PSMA1: variants seen among roughly 807,000 people sequenced by gnomAD.
PSMA1 encodes proteasome subunit alpha type-1.
PSMA1 carries 3 observed loss-of-function variants against 38.4 expected under a neutral mutation model. That is an observed-to-expected ratio of 0.08 (90% CI 0.04 to 0.20). PSMA1 has a LOEUF of 0.20. Among genes scored for constraint, PSMA1 ranks in the 10% least tolerant of loss-of-function variants. PSMA1 has a pLI of 1.00. For synonymous variants in PSMA1, 101 were observed against 107.1 expected (o/e 0.94, Z 0.35); for missense variants, 227 against 325.3 (o/e 0.70, Z 2.32).
intron 2 of PSMA1, among the ~76,000 whole-genome samples, chr11:14,575,259 A>T (rs1723267456): frequency 6.6e-6 from 1 of 152,148 alleles, no homozygotes; most frequent in South Asian, 2.1e-4. Context: ...AAAAAAATTT[A>T]TTATAGTTTA....
At chr11:14,569,951 C>G (rs113836238) in intron 2 of PSMA1, among the ~76,000 whole-genome samples, 1 of 152,234 alleles carries the variant, frequency 6.6e-6, no homozygotes, top group Non-Finnish European at 1.5e-5. Flanking sequence ...AACTTGGAGA[C>G]AACTCCCAGT....
rs573629225 is a variant in PSMA1 at position 14,621,056 on chromosome 11, C to A, written c.-165-9905G>T. Among the ~76,000 whole-genome samples, 10 of 152,270 alleles carry A rather than the reference C, an allele frequency of 6.6e-5. No homozygotes were observed. The East Asian group carries it at 1.9e-3, about 29-fold the overall frequency. ...ATACCTTTTCATTTTCCTGTATTAGCTGTTACATTGACCTATGTCAGAGAT... is the reference window on the plus strand; with the variant it reads ...ATACCTTTTCATTTTCCTGTATTAGATGTTACATTGACCTATGTCAGAGAT... On this transcript the variant is annotated intron_variant, in intron 1 of 10. Transcript: ENST00000418988.
intron 1 of PSMA1, among the ~76,000 whole-genome samples, chr11:14,637,433 C>A (rs1331898219): frequency 6.6e-6 from 1 of 152,182 alleles, no homozygotes; most frequent in African/African-American, 2.4e-5. Flanking sequence ...TTCTCCTTTA[C>A]CAAACTGAGG....
At chr11:14,579,918 T>C (rs1272400323) in intron 2 of PSMA1, among the ~76,000 whole-genome samples, 1 of 152,098 alleles carries the variant, frequency 6.6e-6, no homozygotes, top group East Asian at 1.9e-4. Context: ...GGCTGATGGA[T>C]GGGTAAGAGG....
chr11:14,572,250 C>A (rs1312767467), intron 2 of PSMA1, among the ~76,000 whole-genome samples: 3 of 152,134 alleles, frequency 2.0e-5, no homozygotes, highest in Middle Eastern at 6.3e-3. Flanking sequence ...TCAAAATTGA[C>A]CACATATTTG....
chr11:14,634,679 T>TAG (rs1399556580), intron 1 of PSMA1, among the ~76,000 whole-genome samples: 1 of 152,142 alleles, frequency 6.6e-6, no homozygotes, highest in East Asian at 1.9e-4. Context: ...ATACAAGAAG[T>TAG]AGTAGCTCAT....
intron 1 of PSMA1, among the ~76,000 whole-genome samples, chr11:14,618,292 T>C (rs1253978679): frequency 1.3e-5 from 2 of 152,256 alleles, no homozygotes; most frequent in East Asian, 1.9e-4. Context: ...TCCAGCTTCA[T>C]TGACATAATT....
In PSMA1 at chr11:14,510,922, G is replaced by C. The variant is rs773880119; in HGVS notation, c.574C>G (p.Leu192Val). ...CNLNELVKHG[L>V]RALRETLPAE... ...GGAAGCGTCTCTCTTAAGGCACGCA[G>C]ACCATGTTTAACTAGTTCATTTAAA... is the stretch of plus-strand genomic sequence containing the variant. Residue 192 changes from leucine to valine, a missense_variant, in exon 8 of 10, where the codon CTG becomes GTG. Physicochemically the swap from Leu to Val is conservative, Grantham distance 32 (BLOSUM62 1). Coordinates refer to ENST00000396394, the MANE Select transcript of PSMA1 (RefSeq NM_002786.4). 3.7e-6 allele frequency: 6 copies of C among 1,607,244 alleles called. No individual in the cohort carries two copies. The highest frequency in any genetic ancestry group is 4.3e-6 in the Non-Finnish European group (5 of 1,176,358).
chr11:14,624,247 G>GCT (rs1179728759), intron 1 of PSMA1, among the ~76,000 whole-genome samples: 3 of 152,322 alleles, frequency 2.0e-5, no homozygotes, highest in African/African-American at 7.2e-5. Context: ...GCAGAGAGAA[G>GCT]CTCAGGATTA....
At chr11:14,584,507 G>GTTTTTTTTTTTTTTTTT (rs58620375) in intron 2 of PSMA1, among the ~76,000 whole-genome samples, 4 of 124,810 alleles carry the variant, frequency 3.2e-5, no homozygotes, top group Admixed American at 7.8e-5. Context: ...TTTGTTTTTT[G>GTTTTTTTTTTTTTTTTT]TTTTTTTTTT....
At chr11:14,544,657 A>G (rs1220697048) in intron 2 of PSMA1, among the ~76,000 whole-genome samples, 1 of 152,244 alleles carries the variant, frequency 6.6e-6, no homozygotes, top group Non-Finnish European at 1.5e-5. Context: ...AGATGGCTAC[A>G]ATAAAAAAGA....
chr11:14,508,010 AT>A (rs1200907889), intron 8 of PSMA1, among the ~76,000 whole-genome samples: 1 of 152,154 alleles, frequency 6.6e-6, no homozygotes, highest in Non-Finnish European at 1.5e-5. Flanking sequence ...ATCTAGAAAC[AT>A]TTTTTTAAAA....
intron 1 of PSMA1, among the ~76,000 whole-genome samples, chr11:14,634,127 C>T (rs1853079916): frequency 6.6e-6 from 1 of 152,130 alleles, no homozygotes. Flanking sequence ...GAGCTGTAGA[C>T]CCGGAGCTGT....
At chr11:14,515,430 G>C (rs1851408007) in intron 4 of PSMA1, among the ~76,000 whole-genome samples, 1 of 152,146 alleles carries the variant, frequency 6.6e-6, no homozygotes, top group African/African-American at 2.4e-5. Flanking sequence ...ATATTTTATA[G>C]ATTGGGTTAA....
intron 7 of PSMA1, 36 bp downstream of exon 7, chr11:14,513,532 CAA>C (rs59773789): frequency 0.18 from 199,994 of 1,089,782 alleles, 16 homozygotes; most frequent in East Asian, 0.2. Context: ...CTGGAAAAGG[CAA>C]AAAAAAAAAA....
rs151073819 is a variant in PSMA1 at position 14,548,407 on chromosome 11, T to A, written c.22-29366A>T. On this transcript the variant is annotated intron_variant, in intron 2 of 10. Coordinates refer to the PSMA1 transcript ENST00000418988. ...TATGTATGTGGTGTATACACACCTGTACACACAGGTGTGTGTGTGTGTGCA... is the reference window on the plus strand; with the variant it reads ...TATGTATGTGGTGTATACACACCTGAACACACAGGTGTGTGTGTGTGTGCA... Among the ~76,000 whole-genome samples, 429 of 152,330 alleles carry A rather than the reference T, an allele frequency of 2.8e-3. 1 individual carries two copies. The highest frequency in any genetic ancestry group is 7.2e-3 in the South Asian group (35 of 4,830).
intron 2 of PSMA1, among the ~76,000 whole-genome samples, chr11:14,592,354 GTCTCTCTC>G (rs569894376): frequency 5.9e-5 from 8 of 135,912 alleles, no homozygotes; most frequent in African/African-American, 2.2e-4. Context: ...CTCTGACACA[GTCTCTCTC>G]TCTCTCTCTC....
chr11:14,563,614 C>G (rs1852035243), intron 2 of PSMA1, among the ~76,000 whole-genome samples: 1 of 152,134 alleles, frequency 6.6e-6, no homozygotes, highest in Non-Finnish European at 1.5e-5. Flanking sequence ...GTCTAAATAA[C>G]ATCTTTAAAA....
chr11:14,581,977 T>C (rs1852286581), intron 2 of PSMA1, among the ~76,000 whole-genome samples: 1 of 152,184 alleles, frequency 6.6e-6, no homozygotes, highest in South Asian at 2.1e-4. Context: ...TAGCCCAAAT[T>C]GGATCACGTA....
Sources: allele counts gnomAD v4.1 joint callset (sites outside exome capture counted in the v4.1 genomes callset), GRCh38; gene constraint gnomAD v4.1.1; transcripts MANE v1.5; gene names NCBI Gene and HGNC (gene_info 2026-07-23, HGNC 2026-07-21).